Variants in PRAMEF11 observed in about 807,000 individuals in gnomAD.
PRAMEF11 encodes PRAME family member 11.
A neutral mutation model predicts 33.6 loss-of-function variants in PRAMEF11; 17 were observed. The observed-to-expected ratio is 0.51, with a 90% confidence interval of 0.35 to 0.76. The LOEUF (loss-of-function observed/expected upper bound fraction) is 0.76. Among genes scored for constraint, PRAMEF11 ranks in the 30% least tolerant of loss-of-function variants. The pLI is 0.01. For missense variants in PRAMEF11, 568 were observed against 567.0 expected (o/e 1.00, Z -0.02); for synonymous variants, 205 against 227.3 (o/e 0.90, Z 0.88).
chr1:12,825,843 G>C (rs576100374), intron 3 of PRAMEF11, among the ~76,000 whole-genome samples: 2 of 150,532 alleles, frequency 1.3e-5, no homozygotes, highest in Non-Finnish European at 3.0e-5. Context: ...GTGTGGTGGC[G>C]GGAGCCTGCA....
chr1:12,825,198 A>T lies in PRAMEF11; in HGVS notation c.1181T>A (p.Met394Lys), dbSNP rs1331021301. 5 of 1,608,148 alleles carry T rather than the reference A, an allele frequency of 3.1e-6. No individual in the cohort carries two copies. Residue 394 changes from methionine to lysine, a missense_variant, in exon 4 of 4, where the codon ATG becomes AAG. Transcript: ENST00000619922. ...GCTCAGCAGGTTCTCCAGGGTGGCC[A>T]TGCAGATGGGATTTCCACAGAAGCT... ...TFSFCGNPICMATLENLLSHT... is the reference protein window; with the variant it reads ...TFSFCGNPICKATLENLLSHT...
Position 12,825,064 on chromosome 1 carries a change from C to T in PRAMEF11, c.1315G>A (p.Glu439Lys). The T allele has an allele frequency of 6.2e-7, 1 of 1,609,806 alleles. No homozygotes were observed. Among genetic ancestry groups the T allele is most frequent in the Non-Finnish European group, 8.5e-7 (1 of 1,177,754 alleles). The change falls in exon 4 of 4, where the codon GAG becomes AAG. Residue 439 changes from glutamate to lysine, a missense_variant. Coordinates refer to ENST00000619922, the MANE Select transcript of PRAMEF11 (RefSeq NM_001146344.3). ...AAGTGCCTCACTTTCTTCATCAGCTCAGCCCTAATTTGAGCAAATCTGCTC... is the reference window on the plus strand; with the variant it reads ...AAGTGCCTCACTTTCTTCATCAGCTTAGCCCTAATTTGAGCAAATCTGCTC... ...CWSRFAQIRA[E>K]LMKKVRHLRH...
chr1:12,827,158 C>T, intron 3 of PRAMEF11, 91 bp downstream of exon 3: 1 of 1,574,048 alleles, frequency 6.4e-7, no homozygotes, highest in South Asian at 1.1e-5. Flanking sequence ...CTGTTACATC[C>T]TCATAGGCTG....
chr1:12,828,287 C>G lies in PRAMEF11; in HGVS notation c.293+210G>C, dbSNP rs560092003. On this transcript the variant is annotated intron_variant, in intron 2 of 3. Coordinates refer to ENST00000619922, the MANE Select transcript of PRAMEF11 (RefSeq NM_001146344.3). ...GGCCCAGTTCTCACTTTTCATGGTGCCTTTCAGTGCCATTAGAGGAGAGGT... is the reference window on the plus strand; with the variant it reads ...GGCCCAGTTCTCACTTTTCATGGTGGCTTTCAGTGCCATTAGAGGAGAGGT... 5.7e-4 allele frequency among the ~76,000 whole-genome samples: 85 copies of G among 148,190 alleles called. 1 individual carries two copies. The highest frequency in any genetic ancestry group is 1.9e-3 in the African/African-American group (73 of 39,450).
Position 12,828,719 on chromosome 1 carries a change from G to A in PRAMEF11, c.71C>T (p.Ala24Val), listed in dbSNP as rs771754538. The change falls in exon 2 of 4, where the codon GCC (alanine) becomes GTC (valine). Residue 24 changes from alanine to valine, a missense_variant. Physicochemically the swap from Ala to Val is moderately conservative, Grantham distance 64. Around this residue, in one of 3 missense-constraint regions of PRAMEF11, gnomAD observed 342 missense variants for 312.0 expected, o/e 1.10. Transcript: ENST00000619922. The stretch of plus-strand genomic sequence containing the variant: ...CTCCTCCAGGGTGGAGACGGCCAAG[G>A]CTTGGTCCCTCAGCAGGCTCCGCCC... Reference protein sequence around the residue: ...LAGRSLLRDQALAVSTLEELP... With the variant: ...LAGRSLLRDQVLAVSTLEELP... 1.1e-5 allele frequency: 18 copies of A among 1,610,198 alleles called. No homozygotes were observed. Among genetic ancestry groups the A allele is most frequent in the African/African-American group, 1.3e-5 (1 of 74,730 alleles).
At position 12,826,120 on chromosome 1, in the gene PRAMEF11, A is replaced by T. The variant is rs550300277; in HGVS notation, c.876-617T>A. On this transcript the variant is annotated intron_variant, in intron 3 of 3. Transcript: ENST00000619922. Reference sequence around the variant, plus strand: ...CCACATCCCTGGGCCACAGAAGCCCAGTGGAGATGCAGGCATAAAGGACAA... The same window carrying T: ...CCACATCCCTGGGCCACAGAAGCCCTGTGGAGATGCAGGCATAAAGGACAA... 5.1e-4 allele frequency among the ~76,000 whole-genome samples: 77 copies of T among 151,084 alleles called. 2 individuals carry two copies. The highest frequency in any genetic ancestry group is 1.8e-3 in the African/African-American group (73 of 41,322).
rs567591335 is a variant in PRAMEF11 at position 12,828,752 on chromosome 1, T to G, written c.38A>C (p.Glu13Ala). 259 of 1,609,774 alleles carry G rather than the reference T, an allele frequency of 1.6e-4. 4 individuals are homozygous for G. In the African/African-American group the frequency reaches 3.2e-3, roughly 20 times the overall value. ...CCTCAGCAGGCTCCGCCCCGCAAGC[T>G]CCAGGAGTCTGGGTGGAATCCGGAT... ...MSIRIPPRLL[E>A]LAGRSLLRDQ... The change falls in exon 2 of 4, where the codon GAG becomes GCG. Residue 13 changes from glutamate to alanine, a missense_variant. Physicochemically the swap from Glu to Ala is moderately radical, Grantham distance 107 (BLOSUM62 -1). Around this residue, in one of 3 missense-constraint regions of PRAMEF11, gnomAD observed 342 missense variants for 312.0 expected, o/e 1.10. Transcript: ENST00000619922.
intron 1 of PRAMEF11, 29 bp from the exon 2 acceptor site, chr1:12,828,834 C>T (rs1250235049): frequency 1.9e-6 from 3 of 1,606,760 alleles, no homozygotes; most frequent in Non-Finnish European, 2.6e-6. Context: ...AGAGAAAAGG[C>T]ATCACTCTCA....
At chr1:12,830,001 A>G (rs1296501406) in intron 1 of PRAMEF11, among the ~76,000 whole-genome samples, 1 of 151,420 alleles carries the variant, frequency 6.6e-6, no homozygotes, top group Non-Finnish European at 1.5e-5. Flanking sequence ...AGATTTAGGG[A>G]TAGGGTGAAA....
rs576100374 is a variant in PRAMEF11 at position 12,825,843 on chromosome 1, G to A, written c.876-340C>T. ...CCAAAAATTAGCCAGGTGTGGTGGC[G>A]GGAGCCTGCAATTCCAGCTACTTGG... is the stretch of plus-strand genomic sequence containing the variant. On this transcript the variant is annotated intron_variant, in intron 3 of 3. Transcript: ENST00000619922. 7.6e-3 allele frequency among the ~76,000 whole-genome samples: 1,149 copies of A among 150,632 alleles called. 22 individuals carry two copies. Among genetic ancestry groups the A allele is most frequent in the African/African-American group, 0.026 (1,075 of 41,248 alleles).
At chr1:12,830,310 CT>C (rs1444647851) in intron 1 of PRAMEF11, among the ~76,000 whole-genome samples, 2 of 151,116 alleles carry the variant, frequency 1.3e-5, no homozygotes, top group Non-Finnish European at 3.0e-5. Flanking sequence ...GTTGAGGGAG[CT>C]GAATCTCACT....
At position 12,828,025 on chromosome 1, in the gene PRAMEF11, G is replaced by A. The variant is rs368631199; in HGVS notation, c.294-195C>T. 1.3e-4 allele frequency among the ~76,000 whole-genome samples: 19 copies of A among 148,420 alleles called. No homozygotes were observed. In the South Asian group the frequency reaches 1.3e-3, roughly 10 times the overall value. Reference sequence around the variant, plus strand: ...TTTTGAGACCAAGTCTCCTTCTGTCGCCCAGGCTAGAGTGCAGTGGTGTGA... The same window carrying A: ...TTTTGAGACCAAGTCTCCTTCTGTCACCCAGGCTAGAGTGCAGTGGTGTGA... On this transcript the variant is annotated intron_variant, in intron 2 of 3. Transcript: ENST00000619922.
chr1:12,828,336 C>T (rs1014329403), intron 2 of PRAMEF11, among the ~76,000 whole-genome samples, 161 bp downstream of exon 2: 2 of 148,778 alleles, frequency 1.3e-5, no homozygotes, highest in Non-Finnish European at 3.0e-5. Flanking sequence ...ATGGACCTTG[C>T]CTGGTGAGCA....
At position 12,826,669 on chromosome 1, in the gene PRAMEF11, G is replaced by A. The variant is rs1299929218; in HGVS notation, c.875+580C>T. Among the ~76,000 whole-genome samples, 8 of 151,468 alleles carry A rather than the reference G, an allele frequency of 5.3e-5. 1 individual carries two copies. The South Asian group carries it at 1.7e-3, about 32-fold the overall frequency. On this transcript the variant is annotated intron_variant, in intron 3 of 3. Coordinates refer to ENST00000619922, the MANE Select transcript of PRAMEF11 (RefSeq NM_001146344.3). ...CCCAGGTACTCAGGAGGCTGAGGCA[G>A]GAGAATCGCTTGAACCTGGGAGGCA...
chr1:12,827,640 G>A lies in PRAMEF11; in HGVS notation c.484C>T (p.Leu162=), dbSNP rs777962494. The change falls in exon 3 of 4, where the codon CTG becomes TTG. Residue 162 remains leucine (L), a synonymous_variant. Transcript: ENST00000619922. ...FVELWLKNRT[L]DEYLTCLLLW... is the part of the protein sequence containing the mutation. ...AGGAGGCAGGTGAGGTATTCATCCA[G>A]AGTCCTGTTCTTGAGCCAAAGTTCT... The A allele has an allele frequency of 6.2e-7, 1 of 1,609,652 alleles. No homozygotes were observed.
rs1048981680 is a variant in PRAMEF11 at position 12,824,807 on chromosome 1, T to C, written c.*135A>G. On this transcript the variant is annotated 3_prime_UTR_variant, in exon 4 of 4. Transcript: ENST00000619922. ...AGTCCTGCCCCTGCTTGATCAGCTT[T>C]CCTTTCCCACTTTCAGAGCCCATGT... 13 of 1,392,738 alleles carry C rather than the reference T, an allele frequency of 9.3e-6. No individual in the cohort carries two copies. In the African/African-American group the frequency reaches 1.5e-4, roughly 16 times the overall value. 86.3% of individuals were successfully genotyped at this position (1,392,738 alleles called of 1,614,324 possible). A position where few individuals can be genotyped will look rare whatever the true frequency, so the allele number is the denominator to read the frequency against.
chr1:12,828,444 T>C (rs1639924956), intron 2 of PRAMEF11, 53 bp downstream of exon 2: 2 of 1,554,618 alleles, frequency 1.3e-6, no homozygotes. Context: ...ACCCAGCTGT[T>C]CCTTCAGTTG....
chr1:12,828,927 A>G (rs1398157219), intron 1 of PRAMEF11, 122 bp from the exon 2 acceptor site: 6 of 1,405,418 alleles, frequency 4.3e-6, no homozygotes, highest in Middle Eastern at 2.6e-4. Context: ...GTTTACTCCA[A>G]TTCTACTCTG....
chr1:12,825,301 C>A lies in PRAMEF11; in HGVS notation c.1078G>T (p.Asp360Tyr), dbSNP rs775081936. 4.3e-5 allele frequency: 68 copies of A among 1,598,010 alleles called. 1 individual carries two copies. The highest frequency in any genetic ancestry group is 5.6e-5 in the Non-Finnish European group (66 of 1,172,052). ...VAATLEYLDL[D>Y]DCGIIDSQVN... ...TGGGAGTCTATGATGCCACAGTCAT[C>A]TAAATCCAGGTACTCAAGGGTGGCT... The change falls in exon 4 of 4, where the codon GAT becomes TAT. Residue 360 changes from aspartate to tyrosine, a missense_variant. This residue lies in a region of PRAMEF11 where 52 missense variants were observed against 127.8 expected (regional missense o/e 0.41). Coordinates refer to ENST00000619922, the MANE Select transcript of PRAMEF11 (RefSeq NM_001146344.3).
Sources: allele counts gnomAD v4.1 joint callset (sites outside exome capture counted in the v4.1 genomes callset), GRCh38; gene constraint gnomAD v4.1.1; regional missense constraint gnomAD v4.1.1; transcripts MANE v1.5; gene names NCBI Gene and HGNC (gene_info 2026-07-23, HGNC 2026-07-21).